The following ENO4 variants were observed in gnomAD, a reference collection of about 807,000 sequenced individuals.
The protein encoded by ENO4 is enolase 4, also known as 2-phospho-D-glycerate hydro-lyase.
A neutral mutation model predicts 63.2 loss-of-function variants in ENO4; 53 were observed. That is an observed-to-expected ratio of 0.84 (90% confidence interval 0.67 to 1.05). The LOEUF is 1.05. ENO4 is among the 50% of genes least tolerant of loss of function. ENO4 has a pLI of 0.00. For missense variants in ENO4, 719 were observed against 772.0 expected, an observed-to-expected ratio of 0.93 and a Z score of 0.81; for synonymous variants, 266 against 283.8, an observed-to-expected ratio of 0.94 and a Z score of 0.63.
downstream of ENO4, chr10:116,884,496 T>C (rs1847108437): frequency 3.0e-6 from 1 of 335,190 alleles, no homozygotes; most frequent in Non-Finnish European, 5.9e-6. Context: ...AAAGGGCAAC[T>C]TCTTACTCTA....
chr10:116,854,193 G>A (rs1026573647), intron 1 of ENO4, among the ~76,000 whole-genome samples: 13 of 152,216 alleles, frequency 8.5e-5, no homozygotes, highest in African/African-American at 3.1e-4. Context: ...CTATGAATGA[G>A]CTGATGGTAA....
intron 9 of ENO4, among the ~76,000 whole-genome samples, chr10:116,872,113 C>G (rs1026897828): frequency 1.3e-5 from 2 of 152,170 alleles, no homozygotes; most frequent in Admixed American, 6.5e-5. Context: ...AAAAGAATCG[C>G]TTGAACCCAG....
At chr10:116,902,251 A>G (rs1266714175) in intron 10 of ENO4, among the ~76,000 whole-genome samples, 1 of 152,168 alleles carries the variant, frequency 6.6e-6, no homozygotes, top group Non-Finnish European at 1.5e-5. Flanking sequence ...GGAATTGTGG[A>G]AAGTCTTTTC....
chr10:116,873,214 GA>G (rs1335682373), intron 9 of ENO4, among the ~76,000 whole-genome samples: 2 of 152,090 alleles, frequency 1.3e-5, no homozygotes, highest in Admixed American at 6.6e-5. Context: ...TTTTGAAGGT[GA>G]AAAAAGTATG....
At position 116,849,711 on chromosome 10, in the gene ENO4, G is replaced by C; in HGVS notation, c.145G>C (p.Ala49Pro). ...CAACTCCACCTTCTACCTCCAGCCT[G>C]CCGACGTCTACGGGCACCTGGTAGG... is the stretch of plus-strand genomic sequence containing the variant. ...LLNSTFYLQP[A>P]DVYGHLANCF... The change falls in exon 1 of 14, where the codon GCC becomes CCC. Residue 49 changes from alanine to proline, a missense_variant. Physicochemically the swap from Ala to Pro is conservative, Grantham distance 27 (BLOSUM62 -1). Transcript: ENST00000341276. The C allele has an allele frequency of 6.5e-7, 1 of 1,532,064 alleles. No homozygotes were observed. The highest frequency in any genetic ancestry group is 8.8e-7 in the Non-Finnish European group (1 of 1,137,646). The allele number at this position is 1,532,064 out of a possible 1,614,324, so 94.9% of individuals were successfully genotyped here.
chr10:116,868,621 G>A (rs1480956088), intron 7 of ENO4, 29 bp from the exon 8 acceptor site: 3 of 1,547,060 alleles, frequency 1.9e-6, no homozygotes, highest in East Asian at 4.9e-5. Context: ...AAAATTCCAG[G>A]TGATACATTT....
At chr10:116,909,773 A>G (rs1412168445) in intron 10 of ENO4, among the ~76,000 whole-genome samples, 3 of 152,202 alleles carry the variant, frequency 2.0e-5, no homozygotes, top group Non-Finnish European at 2.9e-5. Context: ...AGAAGGCCAA[A>G]TCACTAAGTC....
chr10:116,896,436 G>A (rs920197791), intron 10 of ENO4, among the ~76,000 whole-genome samples: 2 of 151,990 alleles, frequency 1.3e-5, no homozygotes, highest in Non-Finnish European at 2.9e-5. Context: ...GGAAGGCTAG[G>A]CCCCAACCAG....
chr10:116,862,731 G>A, intron 6 of ENO4, 68 bp from the exon 7 acceptor site: 1 of 1,160,280 alleles, frequency 8.6e-7, no homozygotes, highest in Non-Finnish European at 1.3e-6. Flanking sequence ...ATAGCCACGT[G>A]TTATAAGTTT....
intron 7 of ENO4, among the ~76,000 whole-genome samples, chr10:116,863,756 C>T (rs1366443952): frequency 3.9e-5 from 6 of 152,266 alleles, no homozygotes; most frequent in Admixed American, 1.3e-4. Flanking sequence ...CCTCCCCTGC[C>T]GCGATGGTGG....
chr10:116,863,794 G>A (rs1323538889), intron 7 of ENO4, among the ~76,000 whole-genome samples: 1 of 152,216 alleles, frequency 6.6e-6, no homozygotes, highest in African/African-American at 2.4e-5. Context: ...AATCCCTGCA[G>A]TTGATCAGAA....
At chr10:116,862,661 C>T (rs1846446766) in intron 6 of ENO4, 138 bp from the exon 7 acceptor site, 1 of 620,034 alleles carries the variant, frequency 1.6e-6, no homozygotes, top group Non-Finnish European at 2.8e-6. Flanking sequence ...ATTTAATCTA[C>T]TGATTTTGTA....
chr10:116,860,152 G>A (rs922912826), intron 4 of ENO4, among the ~76,000 whole-genome samples: 1 of 152,202 alleles, frequency 6.6e-6, no homozygotes, highest in Non-Finnish European at 1.5e-5. Context: ...AACCACATCC[G>A]CAGCTGTGAA....
intron 1 of ENO4, among the ~76,000 whole-genome samples, chr10:116,855,367 A>G (rs1159153547): frequency 6.6e-6 from 1 of 152,048 alleles, no homozygotes; most frequent in Non-Finnish European, 1.5e-5. Context: ...TGAGAGTTCA[A>G]CATACACCAA....
chr10:116,878,523 T>C (rs1026313788), intron 11 of ENO4, among the ~76,000 whole-genome samples: 1 of 152,180 alleles, frequency 6.6e-6, no homozygotes, highest in Non-Finnish European at 1.5e-5. Flanking sequence ...AATAAAATTC[T>C]ACACAATGAA....
intron 13 of ENO4, 122 bp from the exon 14 acceptor site, chr10:116,881,393 C>A (rs1412489269): frequency 4.3e-5 from 30 of 692,378 alleles, no homozygotes; most frequent in Non-Finnish European, 4.7e-6. Flanking sequence ...GTTCTGGAGT[C>A]CTTTCCGATG....
At chr10:116,898,307 G>A (rs1049923342) in intron 10 of ENO4, among the ~76,000 whole-genome samples, 3 of 150,680 alleles carry the variant, frequency 2.0e-5, no homozygotes, top group South Asian at 2.1e-4. Context: ...CAGCCTGGGC[G>A]ACAGCAAGAC....
intron 10 of ENO4, chr10:116,900,875 T>G: frequency 1.0e-6 from 1 of 985,174 alleles, no homozygotes. Context: ...AAGTTAATAG[T>G]AGCAATGAGA....
At chr10:116,911,614 A>C (rs998879057) in exon 11 of ENO4, 14 of 1,552,154 alleles carry the variant, frequency 9.0e-6, no homozygotes, top group African/African-American at 1.4e-5. Flanking sequence ...TATTTGAAAA[A>C]TTATTAACAT....
Sources: gnomAD v4.1 joint callset for allele counts (sites outside exome capture counted in the v4.1 genomes callset) on GRCh38, gnomAD v4.1.1 for gene constraint, MANE v1.5 for transcripts, NCBI Gene and HGNC (gene_info 2026-07-23, HGNC 2026-07-21) for gene names.